Variants in AUTS2 observed in about 807,000 individuals in gnomAD.
The protein encoded by AUTS2 is activator of transcription and developmental regulator AUTS2, also known as autism susceptibility gene 2 protein.
Under a neutral mutation model 112.4 loss-of-function variants are expected in AUTS2, and 17 were observed. The ratio of observed to expected loss-of-function variants is 0.15; its 90% CI spans 0.10 to 0.23. The LOEUF is 0.23. AUTS2 is among the 10% of genes least tolerant of loss of function. The pLI, the probability that AUTS2 is intolerant of heterozygous loss-of-function variation, is 1.00. For missense variants in AUTS2, 1,510 were observed against 1,701.6 expected (o/e 0.89, Z 1.98); for synonymous variants, 751 against 702.7 (o/e 1.07, Z -1.09).
intron 5 of AUTS2, among the ~76,000 whole-genome samples, chr7:70,497,107 C>A (rs1471874844): frequency 2.7e-5 from 4 of 148,398 alleles, no homozygotes; most frequent in Non-Finnish European, 6.0e-5. Flanking sequence ...GACACACACA[C>A]ACACCCCACA....
At chr7:69,980,349 A>C (rs991906646) in intron 2 of AUTS2, among the ~76,000 whole-genome samples, 2 of 152,196 alleles carry the variant, frequency 1.3e-5, no homozygotes, top group Non-Finnish European at 2.9e-5. Context: ...AAAGAGTTGG[A>C]CATCTAGTTC....
chr7:69,878,130 A>G (rs1385219090), intron 1 of AUTS2, among the ~76,000 whole-genome samples: 2 of 152,152 alleles, frequency 1.3e-5, no homozygotes, highest in Non-Finnish European at 2.9e-5. Context: ...CAGAATAGAA[A>G]GGCAAAGAGG....
chr7:70,252,103 C>T (rs998066294), intron 4 of AUTS2, among the ~76,000 whole-genome samples: 1 of 152,138 alleles, frequency 6.6e-6, no homozygotes, highest in African/African-American at 2.4e-5. Flanking sequence ...GAGAATATAG[C>T]TACCTCTTTG....
At chr7:70,026,341 T>A (rs1301343005) in intron 2 of AUTS2, among the ~76,000 whole-genome samples, 1 of 152,198 alleles carries the variant, frequency 6.6e-6, no homozygotes, top group African/African-American at 2.4e-5. Context: ...TTCTAGGCTG[T>A]TGGCACTTTG....
chr7:69,764,894 C>A (rs1788353343), intron 1 of AUTS2, among the ~76,000 whole-genome samples: 1 of 152,174 alleles, frequency 6.6e-6, no homozygotes, highest in South Asian at 2.1e-4. Flanking sequence ...CCTGTGGAAC[C>A]AGGCTTAGGA....
intron 5 of AUTS2, among the ~76,000 whole-genome samples, chr7:70,665,264 T>G (rs1807271395): frequency 1.3e-5 from 2 of 151,932 alleles, no homozygotes; most frequent in African/African-American, 4.8e-5. Context: ...ATGCAGATCT[T>G]TTTTTTCTTC....
In AUTS2 at chr7:70,790,678, C is replaced by T; in HGVS notation, c.3462C>T (p.Arg1154=). The change falls in exon 19 of 19, where the codon CGC becomes CGT. Residue 1154 remains arginine (R), a synonymous_variant. Coordinates refer to ENST00000342771, the MANE Select transcript of AUTS2 (RefSeq NM_015570.4). This position sits in a 1 kb window ranked among gnomAD's most constrained non-coding sequence, Gnocchi z 7.6. ...GAGGCCACCTGGACGAGCGGGAGCG[C>T]TTGCACATGCTCAGAGAAGACTACG... The part of the protein sequence containing the change: ...ERGGHLDERE[R]LHMLREDYEH... The T allele has an allele frequency of 6.2e-7, 1 of 1,613,704 alleles. No individual in the cohort carries two copies. Among genetic ancestry groups the T allele is most frequent in the South Asian group, 1.1e-5 (1 of 91,076 alleles).
chr7:70,643,409 A>G (rs553615873), intron 5 of AUTS2, among the ~76,000 whole-genome samples: 13 of 152,280 alleles, frequency 8.5e-5, no homozygotes, highest in Admixed American at 2.6e-4. Flanking sequence ...CGTCTCTACT[A>G]AAAATACAAA....
intron 2 of AUTS2, among the ~76,000 whole-genome samples, chr7:69,970,667 T>G (rs1327353907): frequency 6.6e-6 from 1 of 152,190 alleles, no homozygotes; most frequent in Non-Finnish European, 1.5e-5. Context: ...GAGTCTGTTT[T>G]GCTGCTTGTT....
intron 4 of AUTS2, among the ~76,000 whole-genome samples, chr7:70,423,458 T>C (rs1418851757): frequency 6.6e-6 from 1 of 152,244 alleles, no homozygotes; most frequent in Non-Finnish European, 1.5e-5. Context: ...TTTATCTGTG[T>C]ATTTATTTTT....
rs974803868 is a variant in AUTS2 at position 69,924,709 on chromosome 7, G to A, written c.522+25211G>A. Among the ~76,000 whole-genome samples the A allele has an allele frequency of 1.3e-3, 200 of 151,958 alleles. 1 individual carries two copies. The highest frequency in any genetic ancestry group is 1.3e-3 in the Non-Finnish European group (87 of 68,004). On this transcript the variant is annotated intron_variant, in intron 2 of 18. Coordinates refer to ENST00000342771, the MANE Select transcript of AUTS2 (RefSeq NM_015570.4). ...TGGGATTATAGGCATGCGCCACCAC[G>A]CCCAGCTAATTTTGTATTTTTAGTA...
intron 2 of AUTS2, among the ~76,000 whole-genome samples, chr7:70,096,587 G>C (rs1804213212): frequency 8.3e-6 from 1 of 121,110 alleles, no homozygotes; most frequent in Non-Finnish European, 1.7e-5. Context: ...CAACAAGAGT[G>C]AAACTCCATC....
chr7:70,354,522 T>G (rs1791905720), intron 4 of AUTS2, among the ~76,000 whole-genome samples: 1 of 152,210 alleles, frequency 6.6e-6, no homozygotes, highest in Non-Finnish European at 1.5e-5. Flanking sequence ...GTCTTATTAT[T>G]ATTCCCAACT....
intron 5 of AUTS2, among the ~76,000 whole-genome samples, chr7:70,489,328 T>C (rs1270176865): frequency 6.6e-6 from 1 of 152,264 alleles, no homozygotes; most frequent in African/African-American, 2.4e-5. Flanking sequence ...AACTGACTTT[T>C]TCCCATCCAG....
At chr7:70,054,952 TCTC>T (rs1182471155) in intron 2 of AUTS2, among the ~76,000 whole-genome samples, 9 of 152,100 alleles carry the variant, frequency 5.9e-5, no homozygotes, top group Admixed American at 4.6e-4. Context: ...TGCTTTTCCT[TCTC>T]CTCCTTCTCC....
chr7:70,150,020 A>C (rs931187294), intron 4 of AUTS2, among the ~76,000 whole-genome samples: 1 of 152,114 alleles, frequency 6.6e-6, no homozygotes, highest in Non-Finnish European at 1.5e-5. Context: ...TAAAACTGAT[A>C]AAGAAGACTT....
chr7:69,982,242 A>C (rs1798325315), intron 2 of AUTS2, among the ~76,000 whole-genome samples: 2 of 152,206 alleles, frequency 1.3e-5, no homozygotes, highest in South Asian at 4.1e-4. Context: ...CTGCTCTGCT[A>C]TATTCTCTTT....
intron 12 of AUTS2, 187 bp from the exon 13 acceptor site, chr7:70,775,170 T>C (rs1039917117): frequency 6.7e-6 from 4 of 598,832 alleles, no homozygotes; most frequent in Non-Finnish European, 1.2e-5. Flanking sequence ...GCTTGTGAAG[T>C]GGGGGAGGGG....
intron 1 of AUTS2, among the ~76,000 whole-genome samples, chr7:69,669,965 G>C (rs1796243120): frequency 6.6e-6 from 1 of 152,176 alleles, no homozygotes. Flanking sequence ...AGCAGGGTTT[G>C]GGATGTTGTC....
Sources: gnomAD v4.1 joint callset for allele counts (sites outside exome capture counted in the v4.1 genomes callset) on GRCh38, gnomAD v4.1.1 for gene constraint, Gnocchi (gnomAD v3.1) non-coding constraint, MANE v1.5 for transcripts, NCBI Gene and HGNC (gene_info 2026-07-23, HGNC 2026-07-21) for gene names.